Variants in CTDP1 observed in about 807,000 individuals in gnomAD.
CTDP1 encodes RNA polymerase II subunit A C-terminal domain phosphatase.
CTDP1 carries 47 observed loss-of-function variants against 91.8 expected under a neutral mutation model. That is an observed-to-expected ratio of 0.51 (90% CI 0.41 to 0.65). The LOEUF (loss-of-function observed/expected upper bound fraction) is 0.65, where lower values mean the gene tolerates loss of function less well. Ranked by LOEUF, CTDP1 falls within the 30% of genes least tolerant of loss-of-function variation. The pLI is 0.00. For synonymous variants in CTDP1, 656 were observed against 598.5 expected, an observed-to-expected ratio of 1.10 and a Z score of -1.40; for missense variants, 1,272 against 1,373.7, an observed-to-expected ratio of 0.93 and a Z score of 1.17.
In CTDP1 at chr18:79,739,034, C is replaced by A. The variant is rs2086721975; in HGVS notation, c.2747+2513C>A. On this transcript the variant is annotated intron_variant, in intron 12 of 12. Coordinates refer to ENST00000613122, the MANE Select transcript of CTDP1 (RefSeq NM_004715.5). ...GGGGTCAGGCCTGGGGAAGGCGGTGCACTGGGGGCCTCTGGGAGGGTTCCA... is the reference window on the plus strand; with the variant it reads ...GGGGTCAGGCCTGGGGAAGGCGGTGAACTGGGGGCCTCTGGGAGGGTTCCA... 2.6e-5 allele frequency among the ~76,000 whole-genome samples: 4 copies of A among 152,176 alleles called. No homozygotes were observed. In the South Asian group the frequency reaches 8.3e-4, roughly 31 times the overall value.
At chr18:79,723,315 C>T (rs2086382608) in intron 10 of CTDP1, among the ~76,000 whole-genome samples, 1 of 152,142 alleles carries the variant, frequency 6.6e-6, no homozygotes, top group South Asian at 2.1e-4. Context: ...ATGTTGTGTG[C>T]ATTGGTTGTG....
intron 1 of CTDP1, among the ~76,000 whole-genome samples, chr18:79,683,820 G>A (rs1189666074): frequency 1.3e-5 from 2 of 152,274 alleles, no homozygotes; most frequent in Non-Finnish European, 2.9e-5. Context: ...ACGAGGTGTG[G>A]GATTTACGGG....
At chr18:79,682,232 A>G (rs1025720697) in intron 1 of CTDP1, among the ~76,000 whole-genome samples, 2 of 152,158 alleles carry the variant, frequency 1.3e-5, no homozygotes, top group African/African-American at 4.8e-5. Context: ...GGGAGCCGGT[A>G]TGTGTTGGCC....
At chr18:79,695,184 A>C (rs1433592921) in intron 1 of CTDP1, 41 bp from the exon 2 acceptor site, 1 of 1,586,756 alleles carries the variant, frequency 6.3e-7, no homozygotes, top group African/African-American at 1.3e-5. Context: ...TTGATAAACC[A>C]AGAGATTTTA....
In CTDP1 at chr18:79,735,416, G is replaced by A. The variant is rs1315156846; in HGVS notation, c.2581-939G>A. On this transcript the variant is annotated intron_variant, in intron 11 of 12. Coordinates refer to ENST00000613122, the MANE Select transcript of CTDP1 (RefSeq NM_004715.5). ...CCCTCAACGTCGGAGAGCTGTGAGC[G>A]GGGCCGTGCTCTTGGGATGGGAGCC... Among the ~76,000 whole-genome samples the A allele has an allele frequency of 5.3e-5, 8 of 152,256 alleles. No homozygotes were observed. The East Asian group carries it at 1.2e-3, about 22-fold the overall frequency.
chr18:79,709,003 G>C (rs2086025648), intron 5 of CTDP1, among the ~76,000 whole-genome samples: 1 of 152,378 alleles, frequency 6.6e-6, no homozygotes. Flanking sequence ...CTTGAGGTAT[G>C]TGCAGATTTA....
At chr18:79,738,938 G>A (rs919785732) in intron 12 of CTDP1, among the ~76,000 whole-genome samples, 11 of 152,328 alleles carry the variant, frequency 7.2e-5, no homozygotes, top group Middle Eastern at 3.4e-3. Flanking sequence ...CATGAATTAC[G>A]GGGTGGTTTT....
intron 8 of CTDP1, among the ~76,000 whole-genome samples, chr18:79,716,930 G>C (rs954535406): frequency 6.6e-6 from 1 of 152,292 alleles, no homozygotes; most frequent in South Asian, 2.1e-4. Flanking sequence ...CCCTGGCCTG[G>C]CAGATGGGAA....
intron 12 of CTDP1, among the ~76,000 whole-genome samples, chr18:79,741,446 G>C (rs192149946): frequency 1.9e-3 from 295 of 152,350 alleles, no homozygotes; most frequent in African/African-American, 6.8e-3. Context: ...GCACAGCATG[G>C]TGGGAGCTGT....
At position 79,680,007 on chromosome 18, in the gene CTDP1, C is replaced by T. The variant is rs1352131215; in HGVS notation, c.60C>T (p.Ala20=). 4.0e-5 allele frequency: 52 copies of T among 1,312,110 alleles called. No homozygotes were observed. The highest frequency in any genetic ancestry group is 2.3e-4 in the East Asian group (7 of 30,022). 81.3% of individuals were successfully genotyped at this position (1,312,110 alleles called of 1,614,324 possible). ...PAEGAPTAAV[A]EVRCPGPAPL... ...AGGGCGCCCCGACGGCGGCTGTGGC[C>T]GAGGTGCGCTGCCCGGGGCCCGCGC... The change falls in exon 1 of 13, where the codon GCC becomes GCT. Residue 20 remains alanine (A), a synonymous_variant. Coordinates refer to ENST00000613122, the MANE Select transcript of CTDP1 (RefSeq NM_004715.5).
intron 1 of CTDP1, among the ~76,000 whole-genome samples, 156 bp from the exon 2 acceptor site, chr18:79,695,065 CAAAG>C (rs1261002311): frequency 6.6e-6 from 1 of 152,144 alleles, no homozygotes; most frequent in Non-Finnish European, 1.5e-5. Context: ...ATTTTATAGA[CAAAG>C]AAATGCCCTC....
chr18:79,744,281 G>A (rs566562595), intron 12 of CTDP1, among the ~76,000 whole-genome samples: 24 of 152,250 alleles, frequency 1.6e-4, no homozygotes, highest in Admixed American at 5.9e-4. Flanking sequence ...TCCTGAGGCC[G>A]TGTCACAGGC....
intron 11 of CTDP1, 122 bp downstream of exon 11, chr18:79,729,191 T>C: frequency 7.9e-7 from 1 of 1,261,666 alleles, no homozygotes; most frequent in Non-Finnish European, 1.1e-6. Context: ...TGCACTTGTG[T>C]AGTTGTGTCT....
intron 12 of CTDP1, among the ~76,000 whole-genome samples, chr18:79,748,901 GTC>G (rs1484230922): frequency 8.8e-6 from 1 of 113,790 alleles, no homozygotes; most frequent in African/African-American, 4.2e-5. Context: ...TGTTTGCCGT[GTC>G]TGTGTGTGAG....
intron 10 of CTDP1, among the ~76,000 whole-genome samples, chr18:79,722,266 CTG>C (rs2086360472): frequency 6.6e-6 from 1 of 152,172 alleles, no homozygotes; most frequent in Admixed American, 6.5e-5. Context: ...CAGCCGATAA[CTG>C]TGTATGTGTG....
Position 79,715,523 on chromosome 18 carries a change from G to A in CTDP1, c.2063G>A (p.Arg688Gln), listed in dbSNP as rs748659205. The change falls in exon 8 of 13, where the codon CGA (arginine) becomes CAA (glutamine). Residue 688 changes from arginine (R) to glutamine (Q), a missense_variant. This residue lies in a region of CTDP1 where 881 missense variants were observed against 911.6 expected (regional missense o/e 0.97). Coordinates refer to ENST00000613122, the MANE Select transcript of CTDP1 (RefSeq NM_004715.5). The stretch of plus-strand genomic sequence containing the variant: ...AGGGCCACGCACCTGATCGCCGCGC[G>A]AGCTGGTGAGTGCTGCCTCCCTGTG... ...PDRATHLIAA[R>Q]AGTEKVLQAQ... The A allele has an allele frequency of 1.9e-5, 30 of 1,550,038 alleles. No individual in the cohort carries two copies. The highest frequency in any genetic ancestry group is 1.7e-4 in the East Asian group (7 of 41,578).
chr18:79,698,096 C>A, intron 4 of CTDP1, 108 bp downstream of exon 4: 1 of 1,502,338 alleles, frequency 6.7e-7, no homozygotes, highest in Non-Finnish European at 9.1e-7. Flanking sequence ...GTAGGTCAGC[C>A]TGGGTTTGGA....
rs1599170973 is a variant in CTDP1, at chr18:79,679,958, C to T, written c.11C>T (p.Pro4Leu). Residue 4 changes from proline to leucine, a missense_variant, in exon 1 of 13, where the codon CCG (proline) becomes CTG (leucine). Physicochemically the swap from Pro to Leu is moderately conservative, Grantham distance 98. Around this residue, in one of 3 missense-constraint regions of CTDP1, gnomAD observed 214 missense variants for 179.1 expected, o/e 1.19. Coordinates refer to ENST00000613122, the MANE Select transcript of CTDP1 (RefSeq NM_004715.5). Reference protein sequence around the residue: MEVPAAGRVPAEGA... With the variant: MEVLAAGRVPAEGA... ...CGCCCTCTGTCCGCGATGGAGGTGC[C>T]GGCCGCGGGTCGCGTTCCTGCCGAG... 1.4e-6 allele frequency: 2 copies of T among 1,380,068 alleles called. No homozygotes were observed. The highest frequency in any genetic ancestry group is 1.9e-6 in the Non-Finnish European group (2 of 1,061,896). 85.5% of individuals were successfully genotyped at this position (1,380,068 alleles called of 1,614,324 possible).
At chr18:79,727,494 G>A (rs537360536) in intron 10 of CTDP1, among the ~76,000 whole-genome samples, 11 of 152,172 alleles carry the variant, frequency 7.2e-5, no homozygotes, top group East Asian at 3.9e-4. Flanking sequence ...GGTGGGAAGC[G>A]TGGCGTTTGC....
Sources: allele counts gnomAD v4.1 joint callset (sites outside exome capture counted in the v4.1 genomes callset), GRCh38; gene constraint gnomAD v4.1.1; regional missense constraint gnomAD v4.1.1; transcripts MANE v1.5; gene names NCBI Gene and HGNC (gene_info 2026-07-23, HGNC 2026-07-21).